The following SLC36A4 variants were observed in gnomAD, a reference collection of about 807,000 sequenced individuals.
SLC36A4 encodes the protein solute carrier family 36 member 4.
Under a neutral mutation model 50.5 loss-of-function variants are expected in SLC36A4, and 49 were observed. The ratio of observed to expected loss-of-function variants is 0.97; its 90% CI spans 0.77 to 1.23. SLC36A4 has a LOEUF of 1.23. Among genes scored for constraint, SLC36A4 ranks in the 50% most tolerant of loss-of-function variants. The pLI, the probability that SLC36A4 is intolerant of heterozygous loss-of-function variation, is 0.00. For synonymous variants in SLC36A4, 207 were observed against 206.5 expected (o/e 1.00, Z -0.02); for missense variants, 611 against 608.4 (o/e 1.00, Z -0.05).
At chr11:93,173,401 G>C (rs1476486369) in intron 6 of SLC36A4, among the ~76,000 whole-genome samples, 1 of 144,206 alleles carries the variant, frequency 6.9e-6, no homozygotes, top group Admixed American at 6.9e-5. Context: ...TAGGTTGCCT[G>C]TTCACTCTGA....
intron 9 of SLC36A4, chr11:93,154,979 G>T (rs947113897): frequency 6.6e-6 from 1 of 151,960 alleles, no homozygotes; most frequent in Non-Finnish European, 1.5e-5. Flanking sequence ...TCTACATTAT[G>T]GATAACCTCC....
At chr11:93,192,989 G>T (rs778782296) in intron 1 of SLC36A4, 9 of 179,032 alleles carry the variant, frequency 5.0e-5, no homozygotes, top group Non-Finnish European at 8.6e-5. Flanking sequence ...TATGAAGAAT[G>T]AAATAATGTA....
At chr11:93,173,112 T>C (rs1275455651) in intron 6 of SLC36A4, among the ~76,000 whole-genome samples, 1 of 122,758 alleles carries the variant, frequency 8.1e-6, no homozygotes, top group Non-Finnish European at 1.7e-5. Context: ...CACCTGTTGT[T>C]TCCTGACTTT....
In SLC36A4 at chr11:93,184,464, C is replaced by T. The variant is rs769211202; in HGVS notation, c.236G>A (p.Gly79Glu). ...TGCATTTTTTATTGCCAATGGAAGT[C>T]CTAAAAGGCCAGTTCCAATATTTCC... ...LKGNIGTGLL[G>E]LPLAIKNAGI... Residue 79 changes from glycine (G) to glutamate (E), a missense_variant, in exon 3 of 11, where the codon GGA becomes GAA. Physicochemically the swap from Gly to Glu is moderately conservative, Grantham distance 98. Coordinates refer to ENST00000326402, the MANE Select transcript of SLC36A4 (RefSeq NM_152313.4). The T allele has an allele frequency of 8.7e-6, 14 of 1,611,622 alleles. No individual in the cohort carries two copies. The highest frequency in any genetic ancestry group is 2.7e-5 in the African/African-American group (2 of 74,798).
At chr11:93,178,428 C>G (rs193034115) in intron 6 of SLC36A4, among the ~76,000 whole-genome samples, 1 of 152,264 alleles carries the variant, frequency 6.6e-6, no homozygotes, top group Non-Finnish European at 1.5e-5. Context: ...TGAGATGAAC[C>G]CAGTACCTCA....
rs775367079 is a variant in SLC36A4, at chr11:93,148,501, T to G, written c.*36A>C. On this transcript the variant is annotated 3_prime_UTR_variant, in exon 11 of 11. Transcript: ENST00000326402. ...TAGTTATCTTGATAATTTTCAGAAA[T>G]GGGACAAAAATAGAAGACTCATGAT... is the stretch of plus-strand genomic sequence containing the variant. 6.4e-7 allele frequency: 1 copy of G among 1,556,388 alleles called. No individual in the cohort carries two copies. Among genetic ancestry groups the G allele is most frequent in the South Asian group, 1.2e-5 (1 of 83,484 alleles).
chr11:93,184,096 T>C (rs931017359), intron 3 of SLC36A4, among the ~76,000 whole-genome samples: 40 of 152,308 alleles, frequency 2.6e-4, no homozygotes, highest in Admixed American at 6.5e-5. Flanking sequence ...TATAAATATA[T>C]TTGTTGCTGT....
intron 1 of SLC36A4, among the ~76,000 whole-genome samples, chr11:93,190,965 G>T (rs186825118): frequency 2.2e-4 from 34 of 152,258 alleles, no homozygotes; most frequent in African/African-American, 7.7e-4. Flanking sequence ...AAGCAATCAG[G>T]TTTTAAGACT....
At position 93,148,420 on chromosome 11, in the gene SLC36A4, G is replaced by A. The variant is rs998735076; in HGVS notation, c.*117C>T. 24 of 897,310 alleles carry A rather than the reference G, an allele frequency of 2.7e-5. No homozygotes were observed. The highest frequency in any genetic ancestry group is 2.0e-4 in the East Asian group (8 of 40,174). 55.6% of individuals were successfully genotyped at this position (897,310 alleles called of 1,614,324 possible). A position where few individuals can be genotyped will look rare whatever the true frequency, so the allele number is the denominator to read the frequency against. On this transcript the variant is annotated 3_prime_UTR_variant, in exon 11 of 11. Coordinates refer to ENST00000326402, the MANE Select transcript of SLC36A4 (RefSeq NM_152313.4). ...TGATTACTTCCAAAATATTAATATC[G>A]TGCCAAAGAAAACAGAGTTTGTTAC... is the stretch of plus-strand genomic sequence containing the variant.
Position 93,197,520 on chromosome 11 carries a change from A to G in SLC36A4, c.55+258T>C, listed in dbSNP as rs551264906. 6.0e-4 allele frequency: 321 copies of G among 536,982 alleles called. 3 individuals carry two copies. Among genetic ancestry groups the G allele is most frequent in the Non-Finnish European group, 1.0e-4 (32 of 305,146 alleles). 33.3% of individuals were successfully genotyped at this position (536,982 alleles called of 1,614,324 possible). A position where few individuals can be genotyped will look rare whatever the true frequency, so the allele number is the denominator to read the frequency against. ...TACCCACAGGGCCCCGCCCCACTCA[A>G]CACACACACTCACCCACACGCGCGC... On this transcript the variant is annotated intron_variant, in intron 1 of 10. Coordinates refer to ENST00000326402, the MANE Select transcript of SLC36A4 (RefSeq NM_152313.4).
At chr11:93,184,386 C>T (rs1565236349) in intron 3 of SLC36A4, 44 bp downstream of exon 3, 1 of 1,209,406 alleles carries the variant, frequency 8.3e-7, no homozygotes, top group Non-Finnish European at 1.2e-6. Context: ...ATAAATGAGA[C>T]TGAGAACTGC....
At chr11:93,192,503 G>C (rs1862255202) in intron 1 of SLC36A4, among the ~76,000 whole-genome samples, 1 of 152,048 alleles carries the variant, frequency 6.6e-6, no homozygotes, top group Non-Finnish European at 1.5e-5. Flanking sequence ...GGAATGCAAT[G>C]TAATATAAAT....
At chr11:93,149,327 T>C (rs969879311) in intron 10 of SLC36A4, among the ~76,000 whole-genome samples, 2 of 152,002 alleles carry the variant, frequency 1.3e-5, no homozygotes, top group Non-Finnish European at 1.5e-5. Flanking sequence ...AATCACAGGA[T>C]AGGAAGAGTC....
intron 10 of SLC36A4, among the ~76,000 whole-genome samples, chr11:93,153,290 G>A (rs1165293569): frequency 6.6e-6 from 1 of 152,078 alleles, no homozygotes; most frequent in East Asian, 1.9e-4. Flanking sequence ...TCCCAGTTTA[G>A]TTTGGTGATG....
intron 6 of SLC36A4, among the ~76,000 whole-genome samples, chr11:93,179,776 A>G (rs900781777): frequency 1.3e-5 from 2 of 152,144 alleles, no homozygotes; most frequent in Non-Finnish European, 2.9e-5. Context: ...CAGACCACCT[A>G]TTTTTGCAAA....
chr11:93,187,370 C>G (rs1862033728), intron 1 of SLC36A4, among the ~76,000 whole-genome samples: 1 of 152,056 alleles, frequency 6.6e-6, no homozygotes, highest in African/African-American at 2.4e-5. Flanking sequence ...TAGGTTTTTT[C>G]TTATTTCTAC....
chr11:93,178,073 C>T (rs567929009), intron 6 of SLC36A4, among the ~76,000 whole-genome samples: 4 of 152,170 alleles, frequency 2.6e-5, no homozygotes, highest in Non-Finnish European at 4.4e-5. Context: ...TCAGCAATGG[C>T]GGACGCCCCT....
intron 6 of SLC36A4, among the ~76,000 whole-genome samples, chr11:93,175,025 C>G (rs1371853400): frequency 6.6e-6 from 1 of 151,866 alleles, no homozygotes; most frequent in Admixed American, 6.6e-5. Context: ...AGGAATGGTA[C>G]CAGTTCCTCC....
chr11:93,154,238 A>C lies in SLC36A4; in HGVS notation c.1077T>G (p.Ile359Met). The change falls in exon 10 of 11, where the codon ATT becomes ATG. Residue 359 changes from isoleucine (I) to methionine (M), a missense_variant. Physicochemically the swap from Ile to Met is conservative, Grantham distance 10. Coordinates refer to ENST00000326402, the MANE Select transcript of SLC36A4 (RefSeq NM_152313.4). ...QSVKILYSFG[I>M]FVTYSIQFYV... is the part of the protein sequence containing the mutation. ...AGAACTGAATTGAATATGTCACAAA[A>C]ATGCCAAAGGAATATAGAATTTTCA... The C allele has an allele frequency of 6.7e-7, 1 of 1,492,240 alleles. No individual in the cohort carries two copies. Among genetic ancestry groups the C allele is most frequent in the South Asian group, 1.5e-5 (1 of 66,926 alleles). 92.4% of individuals were successfully genotyped at this position (1,492,240 alleles called of 1,614,324 possible).
Sources: allele counts gnomAD v4.1 joint callset (sites outside exome capture counted in the v4.1 genomes callset), GRCh38; gene constraint gnomAD v4.1.1; transcripts MANE v1.5; gene names NCBI Gene and HGNC (gene_info 2026-07-23, HGNC 2026-07-21).